CSMD1: variants seen among roughly 807,000 people sequenced by gnomAD.
The protein encoded by CSMD1 is CUB and sushi domain-containing protein 1.
In CSMD1, 213 loss-of-function variants were observed where a neutral mutation model predicts 417.5. The ratio of observed to expected loss-of-function variants is 0.51; its 90% CI spans 0.46 to 0.57. The LOEUF is 0.57. Among genes scored for constraint, CSMD1 ranks in the 20% least tolerant of loss-of-function variants. The pLI, the probability that CSMD1 is intolerant of heterozygous loss-of-function variation, is 0.00. For synonymous variants in CSMD1, 2,862 were observed against 1,736.8 expected (o/e 1.65, Z -16.11); for missense variants, 6,923 against 4,529.7 (o/e 1.53, Z -15.17).
chr8:4,629,921 A>G (rs1456683148), intron 2 of CSMD1, among the ~76,000 whole-genome samples: 1 of 152,166 alleles, frequency 6.6e-6, no homozygotes, highest in Non-Finnish European at 1.5e-5. Context: ...TCTAAGAGGA[A>G]TATCCCAGGA....
chr8:3,335,631 G>A (rs748049958), intron 23 of CSMD1, among the ~76,000 whole-genome samples: 11 of 152,104 alleles, frequency 7.2e-5, no homozygotes, highest in South Asian at 2.1e-4. Flanking sequence ...AGTCGAGCTC[G>A]TGCCATTGCA....
At chr8:4,507,962 TA>T (rs1425584479) in intron 2 of CSMD1, among the ~76,000 whole-genome samples, 1 of 151,930 alleles carries the variant, frequency 6.6e-6, no homozygotes, top group Admixed American at 6.6e-5. Flanking sequence ...ACCCTCATAG[TA>T]GAGACAAGTG....
intron 3 of CSMD1, among the ~76,000 whole-genome samples, chr8:4,404,264 T>A (rs7845980): frequency 0.36 from 55,456 of 152,006 alleles, 10,312 homozygotes; most frequent in Middle Eastern, 0.42. Context: ...TATATATTTA[T>A]GTCATCTATC....
intron 1 of CSMD1, among the ~76,000 whole-genome samples, chr8:4,649,930 G>T (rs1803778213): frequency 6.6e-6 from 1 of 152,212 alleles, no homozygotes; most frequent in Non-Finnish European, 1.5e-5. Context: ...CACAGGTTGT[G>T]CACTGCACAA....
chr8:3,521,716 G>A (rs1045838327), intron 10 of CSMD1, among the ~76,000 whole-genome samples: 1 of 152,176 alleles, frequency 6.6e-6, no homozygotes, highest in African/African-American at 2.4e-5. Context: ...TTTTCTTAAT[G>A]AGAACAGTAT....
At chr8:3,328,885 T>A (rs1806709885) in intron 23 of CSMD1, among the ~76,000 whole-genome samples, 1 of 152,182 alleles carries the variant, frequency 6.6e-6, no homozygotes. Flanking sequence ...AGTCTTAAGG[T>A]CATTATATCA....
intron 1 of CSMD1, among the ~76,000 whole-genome samples, chr8:4,663,156 A>C (rs1485886358): frequency 6.6e-6 from 1 of 152,150 alleles, no homozygotes; most frequent in African/African-American, 2.4e-5. Flanking sequence ...TTTCCTCTGG[A>C]AACCCACTGG....
chr8:4,484,911 T>A (rs1801289506), intron 2 of CSMD1, among the ~76,000 whole-genome samples: 2 of 137,958 alleles, frequency 1.4e-5, no homozygotes, highest in Admixed American at 1.6e-4. Context: ...AGGCAGAGGT[T>A]GCAGTGAGCC....
chr8:3,131,249 C>G (rs1309371344), intron 41 of CSMD1, among the ~76,000 whole-genome samples: 1 of 151,942 alleles, frequency 6.6e-6, no homozygotes, highest in South Asian at 2.1e-4. Flanking sequence ...CAACTTCAAA[C>G]CATGGTGTAG....
At chr8:4,310,763 G>C (rs1398233224) in intron 3 of CSMD1, among the ~76,000 whole-genome samples, 1 of 152,134 alleles carries the variant, frequency 6.6e-6, no homozygotes, top group Admixed American at 6.5e-5. Context: ...GAGGGAGACT[G>C]TGTCCATATA....
intron 3 of CSMD1, among the ~76,000 whole-genome samples, chr8:4,235,788 T>C (rs377336261): frequency 3.2e-4 from 48 of 152,348 alleles, no homozygotes; most frequent in African/African-American, 1.1e-3. Context: ...TTTTTCTTTT[T>C]TTCTTTGAAA....
chr8:3,775,002 G>A (rs372751701), intron 5 of CSMD1, among the ~76,000 whole-genome samples: 15 of 152,070 alleles, frequency 9.9e-5, no homozygotes, highest in East Asian at 7.8e-4. Context: ...TCCCACTCCC[G>A]GCAGGACCAA....
chr8:4,835,175 A>C (rs1029967106), intron 1 of CSMD1, among the ~76,000 whole-genome samples: 1 of 151,876 alleles, frequency 6.6e-6, no homozygotes, highest in African/African-American at 2.4e-5. Context: ...GTTGGAAATG[A>C]AGCGAAGGAC....
At chr8:4,629,450 G>A (rs908561755) in intron 2 of CSMD1, among the ~76,000 whole-genome samples, 1 of 152,122 alleles carries the variant, frequency 6.6e-6, no homozygotes, top group Non-Finnish European at 1.5e-5. Context: ...TATTTTACCT[G>A]CTTTTCAATT....
chr8:3,859,521 C>T (rs1469321550), intron 5 of CSMD1, among the ~76,000 whole-genome samples: 1 of 152,146 alleles, frequency 6.6e-6, no homozygotes, highest in East Asian at 1.9e-4. Flanking sequence ...CAGGAGCTGG[C>T]CACAGTTGGA....
At chr8:4,820,211 A>T (rs1799442126) in intron 1 of CSMD1, among the ~76,000 whole-genome samples, 1 of 152,136 alleles carries the variant, frequency 6.6e-6, no homozygotes, top group South Asian at 2.1e-4. Context: ...CTGGACAGAG[A>T]ATGATATGCA....
chr8:4,451,678 G>A (rs1408186996), intron 2 of CSMD1, among the ~76,000 whole-genome samples: 3 of 152,078 alleles, frequency 2.0e-5, no homozygotes, highest in African/African-American at 7.2e-5. Flanking sequence ...GTTCACTGAT[G>A]ACCATGAAAT....
intron 25 of CSMD1, among the ~76,000 whole-genome samples, chr8:3,294,786 C>G (rs538724380): frequency 6.6e-6 from 1 of 152,242 alleles, no homozygotes; most frequent in African/African-American, 2.4e-5. Context: ...TGAGTTGATG[C>G]CTCCCCCTGC....
intron 41 of CSMD1, among the ~76,000 whole-genome samples, chr8:3,123,927 A>G (rs1817352764): frequency 6.6e-6 from 1 of 152,212 alleles, no homozygotes; most frequent in Non-Finnish European, 1.5e-5. Flanking sequence ...AGTACAATTA[A>G]GTTCTTTTTT....
Sources: allele counts gnomAD v4.1 joint callset (sites outside exome capture counted in the v4.1 genomes callset), GRCh38; gene constraint gnomAD v4.1.1; transcripts MANE v1.5; gene names NCBI Gene and HGNC (gene_info 2026-07-23, HGNC 2026-07-21).